Variants in DNAH11 observed in about 807,000 individuals in gnomAD.
DNAH11 encodes dynein axonemal heavy chain 11, also known as axonemal beta dynein heavy chain 11.
In DNAH11, 442 loss-of-function variants were observed where a neutral mutation model predicts 526.0. That is an observed-to-expected ratio of 0.84 (90% CI 0.78 to 0.91). The LOEUF (loss-of-function observed/expected upper bound fraction) is 0.91, where lower values mean the gene tolerates loss of function less well. Ranked by LOEUF, DNAH11 falls within the 40% of genes least tolerant of loss-of-function variation. DNAH11 has a pLI of 0.00. For synonymous variants in DNAH11, 2,461 were observed against 1,935.9 expected (o/e 1.27, Z -7.12); for missense variants, 6,989 against 5,448.7 (o/e 1.28, Z -8.90).
chr7:21,756,327 G>A (rs1018802481), intron 54 of DNAH11, among the ~76,000 whole-genome samples: 1 of 151,894 alleles, frequency 6.6e-6, no homozygotes. Flanking sequence ...TATATTAAAT[G>A]CCTAAATATA....
intron 30 of DNAH11, among the ~76,000 whole-genome samples, chr7:21,663,716 T>C (rs1782320622): frequency 6.6e-6 from 1 of 151,972 alleles, no homozygotes; most frequent in Non-Finnish European, 1.5e-5. Flanking sequence ...TTATTTCAAT[T>C]CACATAATGT....
At chr7:21,749,901 T>C in intron 53 of DNAH11, 100 bp downstream of exon 53, 1 of 1,551,446 alleles carries the variant, frequency 6.4e-7, no homozygotes, top group Non-Finnish European at 8.8e-7. Context: ...TTGAGATGTT[T>C]GCTGGGCAGT....
chr7:21,543,538 G>A lies in DNAH11; in HGVS notation c.293G>A (p.Ser98Asn). Residue 98 changes from serine to asparagine, a missense_variant, in exon 1 of 82, where the codon AGC becomes AAC. Ser to Asn is a conservative substitution (Grantham distance 46). Coordinates refer to ENST00000409508, the MANE Select transcript of DNAH11 (RefSeq NM_001277115.2). ...QVLGEFLEST[S>N]PACLVFSFAA... ...CTTGGGGAGTTTCTGGAAAGCACCA[G>A]CCCGGCTTGCCTTGTGTTTAGCTTC... 6.2e-7 allele frequency: 1 copy of A among 1,609,450 alleles called. No individual in the cohort carries two copies. The highest frequency in any genetic ancestry group is 8.5e-7 in the Non-Finnish European group (1 of 1,177,926).
chr7:21,583,599 A>G (rs1784386916), intron 9 of DNAH11, among the ~76,000 whole-genome samples: 2 of 152,232 alleles, frequency 1.3e-5, no homozygotes, highest in African/African-American at 4.8e-5. Flanking sequence ...TAATTAAACT[A>G]AAATGCGTCT....
intron 30 of DNAH11, among the ~76,000 whole-genome samples, chr7:21,668,077 A>G (rs1306900381): frequency 6.6e-6 from 1 of 152,198 alleles, no homozygotes; most frequent in Non-Finnish European, 1.5e-5. Flanking sequence ...TACTTGATAG[A>G]AAAACCACAC....
chr7:21,671,557 T>C (rs974176479), intron 30 of DNAH11, among the ~76,000 whole-genome samples: 3 of 152,110 alleles, frequency 2.0e-5, no homozygotes, highest in Non-Finnish European at 4.4e-5. Context: ...TTTTTCTTAA[T>C]TGGGTTTTCT....
At chr7:21,858,661 G>A (rs960519967) in intron 68 of DNAH11, among the ~76,000 whole-genome samples, 1 of 152,152 alleles carries the variant, frequency 6.6e-6, no homozygotes, top group Admixed American at 6.6e-5. Context: ...TTATAGAAAA[G>A]GCAAAATTAT....
At chr7:21,746,883 C>G (rs555881463) in intron 51 of DNAH11, among the ~76,000 whole-genome samples, 1 of 152,226 alleles carries the variant, frequency 6.6e-6, no homozygotes, top group South Asian at 2.1e-4. Context: ...AATATACAGT[C>G]ATTGTGTATG....
chr7:21,901,796 T>C lies in DNAH11; in HGVS notation c.*542T>C, dbSNP rs1784880541. 6.1e-6 allele frequency: 1 copy of C among 163,642 alleles called. No homozygotes were observed. The highest frequency in any genetic ancestry group is 2.4e-5 in the African/African-American group (1 of 41,576). The allele number at this position is 163,642 out of a possible 1,614,324, so 10.1% of individuals were successfully genotyped here. Reference sequence around the variant, plus strand: ...GTCTACAATGTTGATGGTCCCCTTTTGTTCAGTCAAGTTTTAATAAAAATA... The same window carrying C: ...GTCTACAATGTTGATGGTCCCCTTTCGTTCAGTCAAGTTTTAATAAAAATA... On this transcript the variant is annotated 3_prime_UTR_variant, in exon 82 of 82. Coordinates refer to ENST00000409508, the MANE Select transcript of DNAH11 (RefSeq NM_001277115.2).
intron 14 of DNAH11, among the ~76,000 whole-genome samples, chr7:21,596,384 G>A (rs4719667): frequency 0.99 from 151,075 of 152,324 alleles, 74,926 homozygotes; most frequent in East Asian, 1. Context: ...TGACGTGTAA[G>A]GGAGGTATTT....
At chr7:21,844,201 G>C (rs1418679770) in intron 66 of DNAH11, among the ~76,000 whole-genome samples, 1 of 152,140 alleles carries the variant, frequency 6.6e-6, no homozygotes, top group East Asian at 1.9e-4. Flanking sequence ...TCACTTGAGG[G>C]AAGATCACTT....
At chr7:21,889,288 C>T (rs1784245882) in intron 76 of DNAH11, among the ~76,000 whole-genome samples, 1 of 152,194 alleles carries the variant, frequency 6.6e-6, no homozygotes, top group South Asian at 2.1e-4. Context: ...TTTTGTTTAT[C>T]TCATCTGTCA....
At chr7:21,728,185 C>G (rs1785214980) in intron 45 of DNAH11, among the ~76,000 whole-genome samples, 2 of 147,570 alleles carry the variant, frequency 1.4e-5, no homozygotes, top group Admixed American at 1.4e-4. Context: ...CCCCAAAATT[C>G]AAGTCCTGTT....
At chr7:21,649,596 T>C in intron 28 of DNAH11, among the ~76,000 whole-genome samples, 1 of 152,032 alleles carries the variant, frequency 6.6e-6, no homozygotes. Flanking sequence ...AATGTCCCTT[T>C]TTAGAGAAAT....
chr7:21,727,214 T>G (rs1785162551), intron 45 of DNAH11, among the ~76,000 whole-genome samples: 2 of 151,832 alleles, frequency 1.3e-5, no homozygotes, highest in African/African-American at 4.8e-5. Flanking sequence ...ATTACAGGCG[T>G]GAGCCACCGT....
intron 54 of DNAH11, among the ~76,000 whole-genome samples, chr7:21,765,014 C>A (rs142803113): frequency 6.6e-6 from 1 of 152,110 alleles, no homozygotes; most frequent in South Asian, 2.1e-4. Context: ...GTGTATTATG[C>A]AGCTTTATGG....
chr7:21,576,687 C>G (rs370346206), intron 8 of DNAH11, among the ~76,000 whole-genome samples: 4 of 152,190 alleles, frequency 2.6e-5, no homozygotes, highest in African/African-American at 9.7e-5. Flanking sequence ...TTTCAGCTTA[C>G]TCGTGAAGAC....
In DNAH11 at chr7:21,899,437, C is replaced by T. The variant is rs1784659592; in HGVS notation, c.13151C>T (p.Ser4384Phe). Residue 4384 changes from serine (S) to phenylalanine (F), a missense_variant, in exon 80 of 82, where the codon TCC becomes TTC. Transcript: ENST00000409508. ...VWLSGFFNPQ[S>F]FLTAIMQTMA... ...CTCTCCGGCTTCTTCAACCCTCAGTCCTTCTTAACTGGTAAGGGCTGACGC... is the reference window on the plus strand; with the variant it reads ...CTCTCCGGCTTCTTCAACCCTCAGTTCTTCTTAACTGGTAAGGGCTGACGC... 3 of 1,613,354 alleles carry T rather than the reference C, an allele frequency of 1.9e-6. No individual in the cohort carries two copies. Among genetic ancestry groups the T allele is most frequent in the Non-Finnish European group, 2.5e-6 (3 of 1,179,390 alleles).
intron 2 of DNAH11, among the ~76,000 whole-genome samples, chr7:21,549,575 A>G (rs1405134831): frequency 6.6e-6 from 1 of 152,130 alleles, no homozygotes; most frequent in Non-Finnish European, 1.5e-5. Flanking sequence ...ACCAACCCAT[A>G]TAACCGAGAT....
Sources: allele counts gnomAD v4.1 joint callset (sites outside exome capture counted in the v4.1 genomes callset), GRCh38; gene constraint gnomAD v4.1.1; transcripts MANE v1.5; gene names NCBI Gene and HGNC (gene_info 2026-07-23, HGNC 2026-07-21).